GPN1: variants seen among roughly 807,000 people sequenced by gnomAD.
GPN1 encodes the protein ATP(GTP)-binding protein.
GPN1 carries 44 observed loss-of-function variants against 55.9 expected under a neutral mutation model. The observed-to-expected ratio is 0.79, with a 90% confidence interval of 0.62 to 1.01. GPN1 has a LOEUF of 1.01. Ranked by LOEUF, GPN1 falls within the 50% of genes least tolerant of loss-of-function variation. The pLI is 0.00. For synonymous variants in GPN1, 179 were observed against 162.5 expected (o/e 1.10, Z -0.77); for missense variants, 466 against 462.8 (o/e 1.01, Z -0.06).
At chr2:27,649,503 C>T (rs1020729479) in intron 13 of GPN1, among the ~76,000 whole-genome samples, 1 of 152,130 alleles carries the variant, frequency 6.6e-6, no homozygotes, top group South Asian at 2.1e-4. Flanking sequence ...TCCCTCACCC[C>T]CCAAAACTTC....
intron 3 of GPN1, 184 bp downstream of exon 3, chr2:27,631,250 A>G: frequency 1.7e-6 from 1 of 589,880 alleles, no homozygotes; most frequent in Non-Finnish European, 3.0e-6. Context: ...TTTTCTTACC[A>G]TCTCCCCAGA....
Position 27,629,079 on chromosome 2 carries a change from C to T in GPN1, c.21C>T (p.Ala7=), listed in dbSNP as rs746035254. Residue 7 remains alanine, a synonymous_variant, in exon 1 of 14, where the codon GCC becomes GCT. Coordinates refer to ENST00000610189, the MANE Select transcript of GPN1 (RefSeq NM_007266.4). MAASAA[A]AELQASGGPR... ...GGAAGATGGCGGCGTCCGCAGCTGC[C>T]GCTGAGCTCCAGGCTTCTGGGGGTC... The T allele has an allele frequency of 8.7e-6, 14 of 1,614,192 alleles. No homozygotes were observed. The East Asian group carries it at 2.5e-4, about 28-fold the overall frequency.
At chr2:27,639,115 A>G in intron 9 of GPN1, 84 bp downstream of exon 9, 2 of 1,117,952 alleles carry the variant, frequency 1.8e-6, no homozygotes, top group East Asian at 2.4e-5. Context: ...TGGCTGAGAA[A>G]GGAAGCTTAT....
intron 13 of GPN1, 29 bp downstream of exon 13, chr2:27,647,972 AACAGAGCATCTGCTTAT>A: frequency 7.9e-7 from 1 of 1,258,996 alleles, no homozygotes; most frequent in Non-Finnish European, 1.2e-6. Flanking sequence ...GGCCCGTGGC[AACAGAGCATCTGCTTAT>A]CCTCACATTG....
At chr2:27,629,389 A>T (rs928330724) in intron 1 of GPN1, 12 of 1,551,190 alleles carry the variant, frequency 7.7e-6, no homozygotes, top group Non-Finnish European at 9.6e-6. Context: ...TACTCGGTCC[A>T]GCTTACCACG....
chr2:27,630,312 C>A (rs1429823341), intron 2 of GPN1, among the ~76,000 whole-genome samples: 1 of 151,572 alleles, frequency 6.6e-6, no homozygotes, highest in Non-Finnish European at 1.5e-5. Context: ...GTCTTCAGTG[C>A]CTTCTTTTTT....
intron 10 of GPN1, 64 bp from the exon 11 acceptor site, chr2:27,641,176 G>T: frequency 9.9e-7 from 1 of 1,005,182 alleles, no homozygotes; most frequent in Non-Finnish European, 1.6e-6. Context: ...GAGATAAGGG[G>T]ATGTGGAGAG....
intron 3 of GPN1, chr2:27,631,276 A>G (rs2148063308): frequency 1.7e-6 from 1 of 573,886 alleles, no homozygotes; most frequent in Admixed American, 3.1e-5. Flanking sequence ...GGCTGTTGTA[A>G]TTAAAGAGCA....
chr2:27,631,362 TCAC>T, intron 3 of GPN1: 1 of 473,594 alleles, frequency 2.1e-6, no homozygotes, highest in Admixed American at 3.9e-5. Context: ...CATCTGTTGG[TCAC>T]CACCTCTTTA....
chr2:27,642,915 A>G (rs1372345550), intron 12 of GPN1, among the ~76,000 whole-genome samples: 2 of 145,828 alleles, frequency 1.4e-5, no homozygotes, highest in East Asian at 2.2e-4. Context: ...GAGAGAGAGA[A>G]AGAGAAAAAG....
rs1327358285 is a variant in GPN1 at position 27,647,818 on chromosome 2, T to C, written c.932-18T>C. The C allele has an allele frequency of 1.4e-6, 2 of 1,435,620 alleles. No homozygotes were observed. The highest frequency in any genetic ancestry group is 2.0e-6 in the Non-Finnish European group (2 of 1,017,124). 88.9% of individuals were successfully genotyped at this position (1,435,620 alleles called of 1,614,324 possible). A position where few individuals can be genotyped will look rare whatever the true frequency, so the allele number is the denominator to read the frequency against. On this transcript the variant is annotated intron_variant, in intron 12 of 13. Transcript: ENST00000610189. ...CCTTTTTGAGGAGGCATATCACTGATAGGTGTTTTCACTGTAGACAGCTTA... is the reference window on the plus strand; with the variant it reads ...CCTTTTTGAGGAGGCATATCACTGACAGGTGTTTTCACTGTAGACAGCTTA...
At chr2:27,629,318 C>G (rs775965579) in intron 1 of GPN1, 149 bp downstream of exon 1, 61 of 1,490,812 alleles carry the variant, frequency 4.1e-5, no homozygotes, top group Admixed American at 1.0e-4. Context: ...CCTTCCCCGG[C>G]AAAGCCTCCT....
At chr2:27,630,307 C>T (rs537261888) in intron 2 of GPN1, among the ~76,000 whole-genome samples, 2 of 151,304 alleles carry the variant, frequency 1.3e-5, no homozygotes, top group Admixed American at 1.3e-4. Context: ...TGCCAGTCTT[C>T]AGTGCCTTCT....
At chr2:27,637,763 A>G (rs1287921968) in intron 7 of GPN1, among the ~76,000 whole-genome samples, 1 of 152,224 alleles carries the variant, frequency 6.6e-6, no homozygotes, top group Non-Finnish European at 1.5e-5. Flanking sequence ...CACTGACATG[A>G]CACTCAGAGG....
Position 27,650,229 on chromosome 2 carries a change from A to G in GPN1, c.*29A>G, listed in dbSNP as rs556375620. On this transcript the variant is annotated 3_prime_UTR_variant, in exon 14 of 14. Transcript: ENST00000610189. ...ACTTTAGCACACTTCACTTGTTTCT[A>G]GAAGTCCAGAATTTTGGACCTCCAC... 2.8e-4 allele frequency: 374 copies of G among 1,338,984 alleles called. 2 individuals are homozygous for G. The South Asian group carries it at 3.9e-3, about 14-fold the overall frequency. 82.9% of individuals were successfully genotyped at this position (1,338,984 alleles called of 1,614,324 possible). A position where few individuals can be genotyped will look rare whatever the true frequency, so the allele number is the denominator to read the frequency against.
At chr2:27,631,586 C>T (rs905055909) in intron 3 of GPN1, 2 of 558,412 alleles carry the variant, frequency 3.6e-6, no homozygotes, top group Non-Finnish European at 6.4e-6. Context: ...CCTGATGCAC[C>T]TGTATTACAT....
upstream of GPN1, chr2:27,628,527 C>T: frequency 6.4e-7 from 1 of 1,551,562 alleles, no homozygotes. Context: ...GTGTGGAAAG[C>T]TCCCGTAGTT....
intron 1 of GPN1, 86 bp from the exon 2 acceptor site, chr2:27,629,773 T>G: frequency 2.6e-6 from 2 of 783,770 alleles, no homozygotes; most frequent in South Asian, 1.4e-5. Flanking sequence ...AAGTGCAATA[T>G]TCTTAAGGCA....
chr2:27,642,189 C>CTTTTTTTTTTTTTTTTTTTT, intron 11 of GPN1: 1 of 410,956 alleles, frequency 2.4e-6, no homozygotes, highest in East Asian at 4.3e-5. Context: ...CTTTTGAAAC[C>CTTTTTTTTTTTTTTTTTTTT]TTTTTGTGTT....
Sources: allele counts gnomAD v4.1 joint callset (sites outside exome capture counted in the v4.1 genomes callset), GRCh38; gene constraint gnomAD v4.1.1; transcripts MANE v1.5; gene names NCBI Gene and HGNC (gene_info 2026-07-23, HGNC 2026-07-21).